DOCK5: variants seen among roughly 807,000 people sequenced by gnomAD.
DOCK5 encodes dedicator of cytokinesis 5.
DOCK5 carries 142 observed loss-of-function variants against 251.8 expected under a neutral mutation model. That is an observed-to-expected ratio of 0.56 (90% CI 0.49 to 0.65). The LOEUF (loss-of-function observed/expected upper bound fraction) is 0.65, where lower values mean the gene tolerates loss of function less well. DOCK5 is among the 30% of genes least tolerant of loss of function. The pLI is 0.00. For synonymous variants in DOCK5, 842 were observed against 835.5 expected, an observed-to-expected ratio of 1.01 and a Z score of -0.13; for missense variants, 2,111 against 2,312.3, an observed-to-expected ratio of 0.91 and a Z score of 1.79.
intron 26 of DOCK5, among the ~76,000 whole-genome samples, chr8:25,349,688 C>G (rs1348309728): frequency 1.3e-5 from 2 of 152,186 alleles, no homozygotes; most frequent in East Asian, 1.9e-4. Flanking sequence ...ATTATATGTT[C>G]TCACTTATAA....
At chr8:25,199,966 T>A (rs927087216) in intron 1 of DOCK5, among the ~76,000 whole-genome samples, 1 of 148,162 alleles carries the variant, frequency 6.7e-6, no homozygotes, top group Non-Finnish European at 1.5e-5. Context: ...GTTTTAGATT[T>A]GTTAATTTAC....
In DOCK5 at chr8:25,317,013, T is replaced by G; in HGVS notation, c.1325T>G (p.Val442Gly). ...GFPEIILPGD[V>G]RNDIYVTLIH... Reference sequence around the variant, plus strand: ...CATGCTTATCATGTTGCAGGAGATGTTCGGAATGACATTTATGTCACCCTG... The same window carrying G: ...CATGCTTATCATGTTGCAGGAGATGGTCGGAATGACATTTATGTCACCCTG... The change falls in exon 14 of 52, where the codon GTT becomes GGT. Residue 442 changes from valine to glycine, a missense_variant. Transcript: ENST00000276440. 6.2e-7 allele frequency: 1 copy of G among 1,613,882 alleles called. No individual in the cohort carries two copies. The highest frequency in any genetic ancestry group is 1.1e-5 in the South Asian group (1 of 91,084).
At chr8:25,387,121 A>G (rs574420199) in intron 40 of DOCK5, among the ~76,000 whole-genome samples, 3 of 151,912 alleles carry the variant, frequency 2.0e-5, no homozygotes. Context: ...CAACCCAATG[A>G]GATCTCATTA....
At position 25,395,686 on chromosome 8, in the gene DOCK5, G is replaced by A. The variant is rs199647754; in HGVS notation, c.4671G>A (p.Pro1557=). The change falls in exon 45 of 52, where the codon CCG becomes CCA. Residue 1557 remains proline, a synonymous_variant. Transcript: ENST00000276440. ...TGCTGCTCAGTGGCATCGTGGACCC[G>A]GCCGTCATGGGGGGCTTCTCCAACT... is the stretch of plus-strand genomic sequence containing the variant. ...LSMLLSGIVD[P]AVMGGFSNYE... is the part of the protein sequence containing the mutation. The A allele has an allele frequency of 1.6e-4, 252 of 1,613,616 alleles. No individual in the cohort carries two copies. The highest frequency in any genetic ancestry group is 6.6e-4 in the Middle Eastern group (4 of 6,084).
In DOCK5 at chr8:25,299,044, G is replaced by C; in HGVS notation, c.707G>C (p.Gly236Ala). ...VNFKNFVCNI[G>A]EDAELFMALY... ...TTCAAGAACTTTGTCTGCAACATCGGGGAAGATGCAGAGTTGTTTATGGCC... is the reference window on the plus strand; with the variant it reads ...TTCAAGAACTTTGTCTGCAACATCGCGGAAGATGCAGAGTTGTTTATGGCC... Residue 236 changes from glycine to alanine, a missense_variant, in exon 8 of 52, where the codon GGG becomes GCG. By Grantham distance (60) the Gly-to-Ala change is moderately conservative. Coordinates refer to ENST00000276440, the MANE Select transcript of DOCK5 (RefSeq NM_024940.8). The C allele has an allele frequency of 6.2e-7, 1 of 1,613,822 alleles. No individual in the cohort carries two copies. The highest frequency in any genetic ancestry group is 1.1e-5 in the South Asian group (1 of 91,062).
rs1351994124 is a variant in DOCK5, at chr8:25,403,642, T to A, written c.5011T>A (p.Ser1671Thr). 3.7e-6 allele frequency: 6 copies of A among 1,613,892 alleles called. No individual in the cohort carries two copies. Among genetic ancestry groups the A allele is most frequent in the Non-Finnish European group, 5.1e-6 (6 of 1,179,892 alleles). The change falls in exon 48 of 52, where the codon TCC becomes ACC. Residue 1671 changes from serine to threonine, a missense_variant. Physicochemically the swap from Ser to Thr is moderately conservative, Grantham distance 58 (BLOSUM62 1). Coordinates refer to ENST00000276440, the MANE Select transcript of DOCK5 (RefSeq NM_024940.8). ...YIMSSTLRRL[S>T]ITSVTSSVVS... ...CATGTCTTCCACTCTGCGGAGGTTGTCCATCACCTCAGTCACTTCCTCTGT... is the reference window on the plus strand; with the variant it reads ...CATGTCTTCCACTCTGCGGAGGTTGACCATCACCTCAGTCACTTCCTCTGT...
At position 25,411,379 on chromosome 8, in the gene DOCK5, A is replaced by G. The variant is rs907143288; in HGVS notation, c.*81A>G. ...GGCCTCCAGCCGGTGTCCTCATTCC[A>G]TGGGGCTCCCTGCTGACTGCATTTC... On this transcript the variant is annotated 3_prime_UTR_variant, in exon 52 of 52. Transcript: ENST00000276440. 51 of 1,347,996 alleles carry G rather than the reference A, an allele frequency of 3.8e-5. 1 individual carries two copies. In the East Asian group the frequency reaches 1.4e-3, roughly 36 times the overall value. The allele number at this position is 1,347,996 out of a possible 1,614,324, so 83.5% of individuals were successfully genotyped here. A position where few individuals can be genotyped will look rare whatever the true frequency, so the allele number is the denominator to read the frequency against.
rs953757508 is a variant in DOCK5, at chr8:25,211,123, A to C, written c.43+26172A>C. Among the ~76,000 whole-genome samples the C allele has an allele frequency of 2.1e-4, 15 of 71,420 alleles. 4 individuals are homozygous for C. Among genetic ancestry groups the C allele is most frequent in the South Asian group, 7.4e-4 (2 of 2,686 alleles). The allele number at this position is 71,420 out of a possible 152,430, so 46.9% of individuals were successfully genotyped here. ...ACAGCACCTGGATAGCCTGCTTTGC[A>C]GAGTACCATTGGAATCAGATATCCC... On this transcript the variant is annotated intron_variant, in intron 1 of 51. Coordinates refer to ENST00000276440, the MANE Select transcript of DOCK5 (RefSeq NM_024940.8).
At position 25,300,655 on chromosome 8, in the gene DOCK5, A is replaced by G. The variant is rs1205237220; in HGVS notation, c.844A>G (p.Thr282Ala). ...GCTCAATAACCTCCAAGCAGTGTTTACAGTAAGTCCTCCCTTCTGTTTAAT... is the reference window on the plus strand; with the variant it reads ...GCTCAATAACCTCCAAGCAGTGTTTGCAGTAAGTCCTCCCTTCTGTTTAAT... ...EKLNNLQAVFTDLSSMDLIRP... is the reference protein window; with the variant it reads ...EKLNNLQAVFADLSSMDLIRP... Residue 282 changes from threonine (T) to alanine (A), a missense_variant and splice_region_variant, in exon 9 of 52, where the codon ACA (threonine) becomes GCA (alanine). Physicochemically the swap from Thr to Ala is moderately conservative, Grantham distance 58. Around this residue, in one of 3 missense-constraint regions of DOCK5, gnomAD observed 59 missense variants for 95.0 expected, o/e 0.62. Coordinates refer to ENST00000276440, the MANE Select transcript of DOCK5 (RefSeq NM_024940.8). 2 of 1,611,554 alleles carry G rather than the reference A, an allele frequency of 1.2e-6. No individual in the cohort carries two copies. The highest frequency in any genetic ancestry group is 1.7e-6 in the Non-Finnish European group (2 of 1,178,676).
chr8:25,364,569 GA>G, intron 29 of DOCK5, 56 bp from the exon 30 acceptor site: 2 of 1,318,370 alleles, frequency 1.5e-6, no homozygotes, highest in Non-Finnish European at 2.1e-6. Flanking sequence ...ATATAGGTGG[GA>G]AAAGGTTTCA....
chr8:25,222,457 G>A (rs1460678752), intron 1 of DOCK5, among the ~76,000 whole-genome samples: 3 of 152,110 alleles, frequency 2.0e-5, no homozygotes, highest in South Asian at 4.1e-4. Flanking sequence ...GACTCAGATG[G>A]TCCTTTATTT....
chr8:25,204,440 A>C (rs931500703), intron 1 of DOCK5, among the ~76,000 whole-genome samples: 1 of 152,166 alleles, frequency 6.6e-6, no homozygotes, highest in Non-Finnish European at 1.5e-5. Context: ...AACAGAGATA[A>C]TATTTTCTAT....
rs748702556 is a variant in DOCK5 at position 25,392,819 on chromosome 8, G to A, written c.4464G>A (p.Thr1488=). 12 of 1,612,994 alleles carry A rather than the reference G, an allele frequency of 7.4e-6. No individual in the cohort carries two copies. The highest frequency in any genetic ancestry group is 3.3e-5 in the South Asian group (3 of 90,754). ...AGACGATGTGGATTGAACGGACCAC[G>A]TATACGACTGCATATACCTTTCCTG... ...EFATMWIERT[T]YTTAYTFPGI... The change falls in exon 44 of 52, where the codon ACG becomes ACA. Residue 1488 remains threonine (T), a synonymous_variant. Transcript: ENST00000276440.
intron 6 of DOCK5, among the ~76,000 whole-genome samples, chr8:25,294,188 A>G (rs1001221920): frequency 6.6e-6 from 1 of 152,094 alleles, no homozygotes; most frequent in Non-Finnish European, 1.5e-5. Context: ...CAGCTCTTGG[A>G]AGTCGCTCAG....
Position 25,185,057 on chromosome 8 carries a change from G to A in DOCK5, c.43+106G>A, listed in dbSNP as rs552332902. On this transcript the variant is annotated intron_variant, in intron 1 of 51. Coordinates refer to ENST00000276440, the MANE Select transcript of DOCK5 (RefSeq NM_024940.8). Reference sequence around the variant, plus strand: ...GCCCGGCGGAGGACCCTGGCCGGGGGCTCGGCCCGGCTGCGCAGCTCTGGG... The same window carrying A: ...GCCCGGCGGAGGACCCTGGCCGGGGACTCGGCCCGGCTGCGCAGCTCTGGG... 179 of 1,186,362 alleles carry A rather than the reference G, an allele frequency of 1.5e-4. 1 individual carries two copies. In the African/African-American group the frequency reaches 2.6e-3, roughly 18 times the overall value. The allele number at this position is 1,186,362 out of a possible 1,614,324, so 73.5% of individuals were successfully genotyped here.
intron 39 of DOCK5, among the ~76,000 whole-genome samples, 165 bp downstream of exon 39, chr8:25,380,559 T>C (rs534897577): frequency 6.6e-6 from 1 of 152,344 alleles, no homozygotes; most frequent in South Asian, 2.1e-4. Flanking sequence ...CCAAAGGCTC[T>C]GATCAATATT....
intron 16 of DOCK5, among the ~76,000 whole-genome samples, chr8:25,322,715 C>T (rs1805459027): frequency 1.3e-5 from 2 of 152,168 alleles, no homozygotes; most frequent in African/African-American, 4.8e-5. Flanking sequence ...GAAACTAAGG[C>T]ATGGAGAGGT....
intron 48 of DOCK5, among the ~76,000 whole-genome samples, chr8:25,404,631 G>A (rs777298594): frequency 7.9e-5 from 12 of 151,960 alleles, no homozygotes; most frequent in African/African-American, 2.4e-4. Flanking sequence ...GCTTACTGGT[G>A]GTTATTCAGT....
intron 5 of DOCK5, among the ~76,000 whole-genome samples, chr8:25,288,570 G>A (rs1307953015): frequency 3.3e-5 from 5 of 152,190 alleles, no homozygotes; most frequent in Non-Finnish European, 7.3e-5. Context: ...TCACACAGAG[G>A]ATCCCCGGAG....
Sources: allele counts gnomAD v4.1 joint callset (sites outside exome capture counted in the v4.1 genomes callset), GRCh38; gene constraint gnomAD v4.1.1; regional missense constraint gnomAD v4.1.1; transcripts MANE v1.5; gene names NCBI Gene and HGNC (gene_info 2026-07-23, HGNC 2026-07-21).